PARD3: variants seen among roughly 807,000 people sequenced by gnomAD.
PARD3 encodes the protein partitioning defective 3 homolog.
In PARD3, 75 loss-of-function variants were observed where a neutral mutation model predicts 155.4. That is an observed-to-expected ratio of 0.48 (90% CI 0.40 to 0.58). PARD3 has a LOEUF of 0.58. PARD3 is among the 20% of genes least tolerant of loss of function. The pLI is 0.00. For synonymous variants in PARD3, 576 were observed against 610.5 expected (o/e 0.94, Z 0.83); for missense variants, 1,642 against 1,721.7 (o/e 0.95, Z 0.82).
intron 22 of PARD3, among the ~76,000 whole-genome samples, chr10:34,147,230 T>C (rs1874506): frequency 0.2 from 30,233 of 152,174 alleles, 3,605 homozygotes; most frequent in Middle Eastern, 0.4. Flanking sequence ...ACAGCACTTT[T>C]ATAGGTATCT....
chr10:34,450,910 AG>A (rs891295497), intron 4 of PARD3, among the ~76,000 whole-genome samples: 1 of 152,188 alleles, frequency 6.6e-6, no homozygotes, highest in Non-Finnish European at 1.5e-5. Flanking sequence ...CTTTCTTCAA[AG>A]CCTTATGGTT....
chr10:34,221,680 CA>C (rs1017682409), intron 22 of PARD3, among the ~76,000 whole-genome samples: 4 of 152,126 alleles, frequency 2.6e-5, no homozygotes, highest in Non-Finnish European at 5.9e-5. Context: ...CCACTTACAC[CA>C]AAGATGACAT....
intron 4 of PARD3, among the ~76,000 whole-genome samples, chr10:34,451,921 T>C (rs964050677): frequency 2.0e-5 from 3 of 151,816 alleles, no homozygotes; most frequent in Admixed American, 1.3e-4. Context: ...GGAAAGGAAA[T>C]ACCGTTTCAT....
At chr10:34,355,268 A>T (rs1838669497) in intron 14 of PARD3, among the ~76,000 whole-genome samples, 1 of 152,168 alleles carries the variant, frequency 6.6e-6, no homozygotes, top group African/African-American at 2.4e-5. Context: ...TCGAGGCTAC[A>T]GTGAGCCGGG....
chr10:34,223,439 G>C (rs865842631), intron 22 of PARD3, among the ~76,000 whole-genome samples: 21 of 152,178 alleles, frequency 1.4e-4, no homozygotes, highest in Non-Finnish European at 2.6e-4. Flanking sequence ...AGATACTATT[G>C]AATCAGTGTG....
chr10:34,449,658 A>G (rs2076954302), intron 5 of PARD3, among the ~76,000 whole-genome samples: 1 of 152,182 alleles, frequency 6.6e-6, no homozygotes. Context: ...TTCCATATGA[A>G]AGGAGGACTT....
At position 34,368,357 on chromosome 10, in the gene PARD3, G is replaced by C. The variant is rs73259211; in HGVS notation, c.1707+4141C>G. Among the ~76,000 whole-genome samples, 562 of 152,260 alleles carry C rather than the reference G, an allele frequency of 3.7e-3. 1 individual carries two copies. Among genetic ancestry groups the C allele is most frequent in the African/African-American group, 0.013 (524 of 41,540 alleles). On this transcript the variant is annotated intron_variant, in intron 12 of 24. Coordinates refer to ENST00000374788, the MANE Select transcript of PARD3 (RefSeq NM_001184785.2). ...TAGAAGTCAGTAGGATTAGAAGTTG[G>C]CGTCCGTATGGACAGGCAAAGAAGG...
chr10:34,665,586 T>C (rs1326517119), intron 2 of PARD3, among the ~76,000 whole-genome samples: 1 of 151,896 alleles, frequency 6.6e-6, no homozygotes, highest in African/African-American at 2.4e-5. Context: ...ACACCTGTAA[T>C]CCCAACACTT....
At chr10:34,211,520 G>C (rs935891229) in intron 22 of PARD3, among the ~76,000 whole-genome samples, 3 of 152,196 alleles carry the variant, frequency 2.0e-5, no homozygotes, top group Admixed American at 2.0e-4. Flanking sequence ...GATGTTTCAC[G>C]CCTGTCATCC....
At chr10:34,588,401 C>T (rs138170109) in intron 2 of PARD3, among the ~76,000 whole-genome samples, 54 of 152,168 alleles carry the variant, frequency 3.5e-4, no homozygotes, top group African/African-American at 1.3e-3. Flanking sequence ...TTCTGGTGAC[C>T]CCAAATATTT....
intron 2 of PARD3, among the ~76,000 whole-genome samples, chr10:34,556,614 C>A (rs998405742): frequency 6.6e-6 from 1 of 152,082 alleles, no homozygotes; most frequent in African/African-American, 2.4e-5. Context: ...AATCTCCTGA[C>A]CTCGTGATCC....
intron 17 of PARD3, 56 bp from the exon 18 acceptor site, chr10:34,336,299 G>T: frequency 1.5e-6 from 2 of 1,292,778 alleles, no homozygotes; most frequent in African/African-American, 1.5e-5. Flanking sequence ...AGCCCACCAT[G>T]CTTCCACCAT....
intron 22 of PARD3, among the ~76,000 whole-genome samples, chr10:34,198,263 T>C: frequency 6.6e-6 from 1 of 151,874 alleles, no homozygotes; most frequent in East Asian, 1.9e-4. Flanking sequence ...AAAAAGAAGA[T>C]AAAAATCACA....
At chr10:34,563,364 T>C (rs1422029024) in intron 2 of PARD3, among the ~76,000 whole-genome samples, 1 of 152,066 alleles carries the variant, frequency 6.6e-6, no homozygotes, top group Admixed American at 6.6e-5. Flanking sequence ...CTATATCCCA[T>C]GTTTGTCTGT....
chr10:34,382,666 C>A lies in PARD3; in HGVS notation c.1273G>T (p.Ala425Ser). Residue 425 changes from alanine to serine, a missense_variant, in exon 9 of 25, where the codon GCA becomes TCA. Ala to Ser is a moderately conservative substitution (Grantham distance 99). This residue lies in a region of PARD3 where 1,529 missense variants were observed against 1,587.3 expected (regional missense o/e 0.96). Coordinates refer to ENST00000374788, the MANE Select transcript of PARD3 (RefSeq NM_001184785.2). ...GATGGTGGTTTTCCCGAGGGGTGTG[C>A]GCTATGAGGTAGTCTTGAGTGAGAG... ...IDSHSRLPHS[A>S]HPSGKPPSAP... 6 of 1,614,062 alleles carry A rather than the reference C, an allele frequency of 3.7e-6. No homozygotes were observed. The highest frequency in any genetic ancestry group is 5.1e-6 in the Non-Finnish European group (6 of 1,180,022).
rs139579251 is a variant in PARD3 at position 34,334,067 on chromosome 10, T to A, written c.2605+2132A>T. ...TTTATTTACATCATAAAAGTTAGTA[T>A]CTTTTGTCTTAATTTTAAAACAATA... is the stretch of plus-strand genomic sequence containing the variant. On this transcript the variant is annotated intron_variant, in intron 18 of 24. Coordinates refer to ENST00000374788, the MANE Select transcript of PARD3 (RefSeq NM_001184785.2). Among the ~76,000 whole-genome samples the A allele has an allele frequency of 5.2e-3, 790 of 151,960 alleles. 9 individuals carry two copies. Among genetic ancestry groups the A allele is most frequent in the African/African-American group, 0.018 (762 of 41,538 alleles).
chr10:34,499,726 C>A (rs2080550554), intron 3 of PARD3, among the ~76,000 whole-genome samples: 1 of 152,180 alleles, frequency 6.6e-6, no homozygotes. Context: ...TGCCCAAGAC[C>A]ATGCGGCCCT....
chr10:34,292,739 A>G (rs1220073213), intron 20 of PARD3, among the ~76,000 whole-genome samples: 1 of 152,036 alleles, frequency 6.6e-6, no homozygotes, highest in African/African-American at 2.4e-5. Context: ...TTTTTAAAGA[A>G]AAAGCACCTT....
chr10:34,242,260 T>C (rs1354390259), intron 22 of PARD3, among the ~76,000 whole-genome samples: 1 of 152,220 alleles, frequency 6.6e-6, no homozygotes, highest in Non-Finnish European at 1.5e-5. Flanking sequence ...CCTTTTTTAA[T>C]TGGTATGATC....
Sources: allele counts gnomAD v4.1 joint callset (sites outside exome capture counted in the v4.1 genomes callset), GRCh38; gene constraint gnomAD v4.1.1; regional missense constraint gnomAD v4.1.1; transcripts MANE v1.5; gene names NCBI Gene and HGNC (gene_info 2026-07-23, HGNC 2026-07-21).